The following SGCD variants were observed in gnomAD, a reference collection of about 807,000 sequenced individuals.
SGCD encodes delta-sarcoglycan.
A neutral mutation model predicts 36.6 loss-of-function variants in SGCD; 18 were observed. The ratio of observed to expected loss-of-function variants is 0.49; its 90% confidence interval spans 0.34 to 0.73. The LOEUF (loss-of-function observed/expected upper bound fraction) is 0.73, where lower values mean the gene tolerates loss of function less well. Ranked by LOEUF, SGCD falls within the 30% of genes least tolerant of loss-of-function variation. The probability of loss-of-function intolerance (pLI) is 0.01; values close to 1 mark genes in which losing one functional copy is unlikely to be tolerated. For synonymous variants in SGCD, 133 were observed against 130.6 expected, an observed-to-expected ratio of 1.02 and a Z score of -0.12; for missense variants, 387 against 346.7, an observed-to-expected ratio of 1.12 and a Z score of -0.92.
At chr5:155,832,052 C>G in the SGCD span, among the ~76,000 whole-genome samples, 1 of 152,176 alleles carries the variant, frequency 6.6e-6, no homozygotes, top group Non-Finnish European at 1.5e-5. Flanking sequence ...GGTATTCTAG[C>G]TCAATGCCAG....
At chr5:156,246,716 G>T (rs1022360402) in intron 3 of SGCD, among the ~76,000 whole-genome samples, 1 of 151,666 alleles carries the variant, frequency 6.6e-6, no homozygotes, top group African/African-American at 2.4e-5. Context: ...GTCTTTTTTT[G>T]TGCTCAATTT....
chr5:155,848,641 T>C, the SGCD span, among the ~76,000 whole-genome samples: 1 of 152,324 alleles, frequency 6.6e-6, no homozygotes, highest in South Asian at 2.1e-4. Context: ...TTAATAGTAC[T>C]TTTTTCAAAT....
At chr5:156,376,275 A>G (rs1180086413) in intron 3 of SGCD, among the ~76,000 whole-genome samples, 1 of 152,228 alleles carries the variant, frequency 6.6e-6, no homozygotes, top group African/African-American at 2.4e-5. Flanking sequence ...GAGAGAACAC[A>G]AAGAATTGTA....
chr5:156,726,692 G>T (rs1755790336), intron 7 of SGCD, among the ~76,000 whole-genome samples: 1 of 152,092 alleles, frequency 6.6e-6, no homozygotes, highest in Admixed American at 6.5e-5. Flanking sequence ...TCAAGCATGG[G>T]TTAGCCGCGC....
chr5:156,068,760 T>A (rs1399249691), intron 1 of SGCD, among the ~76,000 whole-genome samples: 2 of 151,744 alleles, frequency 1.3e-5, no homozygotes, highest in African/African-American at 4.9e-5. Flanking sequence ...GTGTTCCTAT[T>A]TCTCCACATC....
chr5:156,745,896 A>G (rs1250869904), intron 7 of SGCD, among the ~76,000 whole-genome samples: 1 of 152,092 alleles, frequency 6.6e-6, no homozygotes, highest in Non-Finnish European at 1.5e-5. Flanking sequence ...TGCTAGAGTA[A>G]GAACATCTAA....
In SGCD at chr5:156,072,481, A is replaced by G. The variant is rs1048161291; in HGVS notation, c.-281-45397A>G. 5.7e-3 allele frequency among the ~76,000 whole-genome samples: 860 copies of G among 151,898 alleles called. 7 individuals carry two copies. Among genetic ancestry groups the G allele is most frequent in the African/African-American group, 0.02 (809 of 41,332 alleles). On this transcript the variant is annotated intron_variant, in intron 1 of 9. Coordinates refer to the SGCD transcript ENST00000517913. ...GCCCCCACTCTCTTCTGGCTTGTAG[A>G]GTTTCTGCCGAGAGATCCGCTGTTA... is the stretch of plus-strand genomic sequence containing the variant.
intron 3 of SGCD, among the ~76,000 whole-genome samples, chr5:156,140,030 C>T (rs1406453352): frequency 6.6e-6 from 1 of 152,180 alleles, no homozygotes; most frequent in Non-Finnish European, 1.5e-5. Context: ...GCAGACAGGA[C>T]ACCCCTCACC....
At chr5:155,753,029 G>A in the SGCD span, among the ~76,000 whole-genome samples, 1 of 152,174 alleles carries the variant, frequency 6.6e-6, no homozygotes, top group South Asian at 2.1e-4. Context: ...GGATGTGGTT[G>A]CTCTGGTTAC....
chr5:156,019,454 C>G (rs1193974947), intron 1 of SGCD, among the ~76,000 whole-genome samples: 3 of 152,136 alleles, frequency 2.0e-5, no homozygotes, highest in African/African-American at 7.2e-5. Flanking sequence ...TTAATGATCT[C>G]CCTTCCTTTC....
At chr5:156,444,152 C>T (rs72801103) in intron 3 of SGCD, among the ~76,000 whole-genome samples, 6,688 of 139,322 alleles carry the variant, frequency 0.048, 258 homozygotes, top group South Asian at 0.08. Flanking sequence ...CCCTTTCTCT[C>T]TCTCCTTCCC....
chr5:156,048,272 G>A (rs537051287), intron 1 of SGCD, among the ~76,000 whole-genome samples: 11 of 152,080 alleles, frequency 7.2e-5, no homozygotes, highest in South Asian at 6.2e-4. Flanking sequence ...GAATAGTGCC[G>A]CAATAAACAT....
intron 3 of SGCD, among the ~76,000 whole-genome samples, chr5:156,153,043 T>C (rs1030373001): frequency 5.3e-5 from 8 of 151,680 alleles, no homozygotes; most frequent in African/African-American, 2.0e-4. Context: ...CGTAAGCTCA[T>C]GTCAACATGT....
At chr5:156,519,072 A>T (rs1416290870) in intron 4 of SGCD, among the ~76,000 whole-genome samples, 2 of 149,466 alleles carry the variant, frequency 1.3e-5, no homozygotes, top group African/African-American at 2.5e-5. Flanking sequence ...TGGTTTTTTG[A>T]AAAAAAAATT....
At chr5:155,801,061 T>C in the SGCD span, among the ~76,000 whole-genome samples, 1 of 152,192 alleles carries the variant, frequency 6.6e-6, no homozygotes, top group Non-Finnish European at 1.5e-5. Flanking sequence ...TTCATCTCTC[T>C]TCCTGGAGTG....
intron 1 of SGCD, among the ~76,000 whole-genome samples, chr5:155,961,509 A>G (rs1323904610): frequency 1.3e-5 from 2 of 152,116 alleles, no homozygotes; most frequent in Non-Finnish European, 2.9e-5. Flanking sequence ...ATTGGTCGGC[A>G]GTTTAACATT....
chr5:156,137,140 A>C (rs2127608726), intron 3 of SGCD, among the ~76,000 whole-genome samples: 1 of 152,342 alleles, frequency 6.6e-6, no homozygotes, highest in Non-Finnish European at 1.5e-5. Flanking sequence ...GAAAACACTA[A>C]GTGAATTTCT....
chr5:156,156,147 T>C (rs1762957241), intron 3 of SGCD, among the ~76,000 whole-genome samples: 2 of 151,706 alleles, frequency 1.3e-5, no homozygotes, highest in African/African-American at 4.9e-5. Flanking sequence ...CGGCAGATTA[T>C]AGAAGAGGTC....
chr5:156,137,641 C>T (rs1438721150), intron 3 of SGCD, among the ~76,000 whole-genome samples: 1 of 151,770 alleles, frequency 6.6e-6, no homozygotes, highest in East Asian at 1.9e-4. Context: ...TTGATTTCTT[C>T]CCTAGAGAAA....
Sources: gnomAD v4.1 joint callset for allele counts (sites outside exome capture counted in the v4.1 genomes callset) on GRCh38, gnomAD v4.1.1 for gene constraint, MANE v1.5 for transcripts, NCBI Gene and HGNC (gene_info 2026-07-23, HGNC 2026-07-21) for gene names.